SHROOM3: variants seen among roughly 807,000 people sequenced by gnomAD.
SHROOM3 encodes protein Shroom3.
In SHROOM3, 47 loss-of-function variants were observed where a neutral mutation model predicts 138.6. That is an observed-to-expected ratio of 0.34 (90% CI 0.27 to 0.43). SHROOM3 has a LOEUF of 0.43. Ranked by LOEUF, SHROOM3 falls within the 20% of genes least tolerant of loss-of-function variation. The pLI is 1.00. For synonymous variants in SHROOM3, 1,062 were observed against 1,063.3 expected, an observed-to-expected ratio of 1.00 and a Z score of 0.02; for missense variants, 2,491 against 2,596.5, an observed-to-expected ratio of 0.96 and a Z score of 0.88.
In SHROOM3 at chr4:76,511,750, A is replaced by G. The variant is rs17002032; in HGVS notation, c.169-43859A>G. 8.7e-3 allele frequency among the ~76,000 whole-genome samples: 1,329 copies of G among 152,308 alleles called. 15 individuals are homozygous for G. Among genetic ancestry groups the G allele is most frequent in the African/African-American group, 0.03 (1,260 of 41,570 alleles). ...CTATTCAAATATGTTCCAATTATAA[A>G]CAATAGTAGGAAATCTCGATGATCT... On this transcript the variant is annotated intron_variant, in intron 1 of 10. Transcript: ENST00000296043.
intron 2 of SHROOM3, among the ~76,000 whole-genome samples, chr4:76,621,019 G>A (rs886883767): frequency 1.3e-5 from 2 of 152,118 alleles, no homozygotes; most frequent in Non-Finnish European, 2.9e-5. Context: ...CCAGGGAAAT[G>A]TGGAAACCTG....
At chr4:76,611,720 C>T (rs370186111) in intron 2 of SHROOM3, among the ~76,000 whole-genome samples, 100 of 152,264 alleles carry the variant, frequency 6.6e-4, no homozygotes, top group African/African-American at 2.3e-3. Context: ...CTAGTGTGCA[C>T]GCCATACCAG....
intron 1 of SHROOM3, among the ~76,000 whole-genome samples, chr4:76,461,329 A>G (rs1224130125): frequency 6.6e-6 from 1 of 152,226 alleles, no homozygotes; most frequent in African/African-American, 2.4e-5. Context: ...ACTCACATCA[A>G]TCATATAAAA....
intron 10 of SHROOM3, among the ~76,000 whole-genome samples, chr4:76,777,461 T>C (rs1020801403): frequency 1.3e-5 from 2 of 152,222 alleles, no homozygotes; most frequent in Non-Finnish European, 2.9e-5. Flanking sequence ...CCTGAGACTT[T>C]ACTGAATTCA....
At chr4:76,484,943 C>G (rs754931932) in intron 1 of SHROOM3, among the ~76,000 whole-genome samples, 1 of 152,118 alleles carries the variant, frequency 6.6e-6, no homozygotes, top group Non-Finnish European at 1.5e-5. Flanking sequence ...TCTGCTCTGC[C>G]CACCAAAATA....
intron 2 of SHROOM3, among the ~76,000 whole-genome samples, chr4:76,660,781 A>G (rs1160917678): frequency 2.0e-5 from 3 of 147,588 alleles, no homozygotes; most frequent in Non-Finnish European, 4.5e-5. Flanking sequence ...TGGCCTGATG[A>G]ATCATTTTTT....
chr4:76,782,751 A>AG lies in SHROOM3; in HGVS notation c.*3576dup, dbSNP rs1395420774. On this transcript the variant is annotated 3_prime_UTR_variant, in exon 11 of 11. Coordinates refer to ENST00000296043, the MANE Select transcript of SHROOM3 (RefSeq NM_020859.4). ...GCCAGAAATAACTTCATTTCCTACA[A>AG]GGTATAAAAAGTGGTCAAGTGAATG... is the stretch of plus-strand genomic sequence containing the variant. The AG allele has an allele frequency of 6.6e-6, 1 of 152,228 alleles. No homozygotes were observed. Among genetic ancestry groups the AG allele is most frequent in the Non-Finnish European group, 1.5e-5 (1 of 68,042 alleles). 9.4% of individuals were successfully genotyped at this position (152,228 alleles called of 1,614,324 possible).
rs1265611373 is a variant in SHROOM3, at chr4:76,730,695, A to ATCTC, written c.456-107_456-104dup. 3 of 1,456,406 alleles carry ATCTC rather than the reference A, an allele frequency of 2.1e-6. No individual in the cohort carries two copies. The African/African-American group carries it at 4.2e-5, about 20-fold the overall frequency. 90.2% of individuals were successfully genotyped at this position (1,456,406 alleles called of 1,614,324 possible). Reference sequence around the variant, plus strand: ...TCAGTATTGACTTGGTTGCTTTTCAATCTCTGAGGACACAGCAGTCTTCGC... The same window carrying ATCTC: ...TCAGTATTGACTTGGTTGCTTTTCAATCTCTCTCTGAGGACACAGCAGTCTTCGC... On this transcript the variant is annotated intron_variant, in intron 3 of 10. Transcript: ENST00000296043.
At chr4:76,551,471 C>G (rs754489494) in intron 1 of SHROOM3, among the ~76,000 whole-genome samples, 2 of 152,088 alleles carry the variant, frequency 1.3e-5, no homozygotes, top group Non-Finnish European at 2.9e-5. Flanking sequence ...TGAGCAAGAC[C>G]GTATCTACAG....
chr4:76,506,316 G>A lies in SHROOM3; in HGVS notation c.169-49293G>A, dbSNP rs775190495. 2.6e-4 allele frequency among the ~76,000 whole-genome samples: 40 copies of A among 152,170 alleles called. 1 individual carries two copies. Among genetic ancestry groups the A allele is most frequent in the Admixed American group, 1.1e-3 (17 of 15,286 alleles). On this transcript the variant is annotated intron_variant, in intron 1 of 10. Coordinates refer to ENST00000296043, the MANE Select transcript of SHROOM3 (RefSeq NM_020859.4). ...TGGGTGCAGCAAACCACCATAGCAC[G>A]TGCATACCTATGTAACAAACCTGCA... is the stretch of plus-strand genomic sequence containing the variant.
In SHROOM3 at chr4:76,741,764, G is replaced by C. The variant is rs759187616; in HGVS notation, c.3591G>C (p.Arg1197Ser). The change falls in exon 5 of 11, where the codon AGG becomes AGC. Residue 1197 changes from arginine to serine, a missense_variant. Coordinates refer to ENST00000296043, the MANE Select transcript of SHROOM3 (RefSeq NM_020859.4). The surrounding 1 kb of genome is among the most constrained non-coding windows in gnomAD (Gnocchi z 6.2). ...TTAGCGGAGCAAACGGTGGAACAAG[G>C]GGCACCCAGAGAGGGGATGAGACCC... ...DLLSGANGGT[R>S]GTQRGDETPR... is the part of the protein sequence containing the mutation. The C allele has an allele frequency of 6.4e-7, 1 of 1,569,644 alleles. No homozygotes were observed. The highest frequency in any genetic ancestry group is 1.2e-5 in the South Asian group (1 of 85,574).
At chr4:76,608,387 G>A (rs568672730) in intron 2 of SHROOM3, among the ~76,000 whole-genome samples, 11 of 152,272 alleles carry the variant, frequency 7.2e-5, no homozygotes, top group Admixed American at 3.3e-4. Context: ...AATGAAGCCA[G>A]AATGCAACAT....
At chr4:76,573,241 A>G (rs62300913) in intron 2 of SHROOM3, among the ~76,000 whole-genome samples, 2,474 of 151,736 alleles carry the variant, frequency 0.016, 34 homozygotes, top group Middle Eastern at 0.024. Flanking sequence ...TTAAATTTGA[A>G]TTTCTGATAA....
intron 2 of SHROOM3, among the ~76,000 whole-genome samples, chr4:76,667,695 G>A (rs1029154407): frequency 9.2e-5 from 14 of 151,732 alleles, no homozygotes; most frequent in African/African-American, 3.1e-4. Context: ...TTGCTTGGGC[G>A]CGGTGGCTCA....
intron 1 of SHROOM3, among the ~76,000 whole-genome samples, chr4:76,543,751 G>T (rs1483835434): frequency 6.6e-6 from 1 of 152,144 alleles, no homozygotes; most frequent in East Asian, 1.9e-4. Flanking sequence ...ATGCTGACAA[G>T]AAATGTTTCA....
chr4:76,582,236 C>T lies in SHROOM3; in HGVS notation c.323+26473C>T, dbSNP rs1342303714. 2.0e-5 allele frequency among the ~76,000 whole-genome samples: 3 copies of T among 152,162 alleles called. No individual in the cohort carries two copies. The East Asian group carries it at 5.8e-4, about 29-fold the overall frequency. ...TTCAAGAGGCTGTTTCTAGCTCCCC[C>T]ATTCATAAATTTCCTAAGTTCCTCC... On this transcript the variant is annotated intron_variant, in intron 2 of 10. Transcript: ENST00000296043.
Position 76,474,565 on chromosome 4 carries a change from T to C in SHROOM3, c.168+38345T>C, listed in dbSNP as rs145817631. On this transcript the variant is annotated intron_variant, in intron 1 of 10. Transcript: ENST00000296043. ...TGGGAAATAAATTTTAAAATATAAA[T>C]TGAAATCAAATTATAAAAGGCTTTA... Among the ~76,000 whole-genome samples, 589 of 152,262 alleles carry C rather than the reference T, an allele frequency of 3.9e-3. 4 individuals are homozygous for C. The highest frequency in any genetic ancestry group is 0.013 in the African/African-American group (553 of 41,552).
chr4:76,520,776 T>C (rs1344168892), intron 1 of SHROOM3, among the ~76,000 whole-genome samples: 1 of 152,188 alleles, frequency 6.6e-6, no homozygotes, highest in Non-Finnish European at 1.5e-5. Flanking sequence ...TACACCTCCT[T>C]CTAAACATTG....
At chr4:76,735,868 A>AAAAAATATATATATATATAT (rs1553944040) in intron 4 of SHROOM3, among the ~76,000 whole-genome samples, 2 of 18,808 alleles carry the variant, frequency 1.1e-4, no homozygotes, top group Non-Finnish European at 1.8e-4. Context: ...AAAAAAAAAA[A>AAAAAATATATATATATATAT]ATATATATAT....
Sources: allele counts gnomAD v4.1 joint callset (sites outside exome capture counted in the v4.1 genomes callset), GRCh38; gene constraint gnomAD v4.1.1; non-coding constraint Gnocchi (gnomAD v3.1); transcripts MANE v1.5; gene names NCBI Gene and HGNC (gene_info 2026-07-23, HGNC 2026-07-21).